The following ARFGEF1 variants were observed in gnomAD, a reference collection of about 807,000 sequenced individuals.
ARFGEF1 encodes brefeldin A-inhibited guanine nucleotide-exchange protein 1.
In ARFGEF1, 42 loss-of-function variants were observed where a neutral mutation model predicts 231.0. The ratio of observed to expected loss-of-function variants is 0.18; its 90% CI spans 0.14 to 0.24. The LOEUF is 0.24. Among genes scored for constraint, ARFGEF1 ranks in the 10% least tolerant of loss-of-function variants. The pLI, the probability that ARFGEF1 is intolerant of heterozygous loss-of-function variation, is 1.00. For missense variants in ARFGEF1, 1,345 were observed against 2,192.0 expected, an observed-to-expected ratio of 0.61 and a Z score of 7.72; for synonymous variants, 710 against 732.3, an observed-to-expected ratio of 0.97 and a Z score of 0.49.
chr8:67,223,264 C>T (rs551840262), intron 29 of ARFGEF1, among the ~76,000 whole-genome samples: 27 of 152,238 alleles, frequency 1.8e-4, no homozygotes, highest in African/African-American at 6.0e-4. Context: ...GGCTGGAGTA[C>T]AGTGGTGTGA....
At chr8:67,253,269 C>G (rs1318386688) in intron 18 of ARFGEF1, among the ~76,000 whole-genome samples, 182 bp downstream of exon 18, 2 of 152,066 alleles carry the variant, frequency 1.3e-5, no homozygotes, top group Admixed American at 1.3e-4. Flanking sequence ...GAGACAAGAA[C>G]CTTGCTATAT....
At chr8:67,195,441 T>G (rs374262758), downstream of ARFGEF1, 46 of 1,614,076 alleles carry the variant, frequency 2.8e-5, no homozygotes, top group African/African-American at 5.6e-4. Context: ...GGATGACGGA[T>G]CAAACTCTGT....
chr8:67,244,545 C>A (rs114087569), intron 19 of ARFGEF1, among the ~76,000 whole-genome samples: 2,505 of 149,012 alleles, frequency 0.017, 234 homozygotes, highest in African/African-American at 0.061. Flanking sequence ...AGTGATCTGC[C>A]CACTTCAGCC....
At chr8:67,219,588 C>G in intron 29 of ARFGEF1, 28 bp from the exon 30 acceptor site, 2 of 1,558,232 alleles carry the variant, frequency 1.3e-6, no homozygotes, top group South Asian at 2.5e-5. Context: ...AATTAGAAAG[C>G]TGTAATACAA....
At chr8:67,247,349 C>G (rs1324353401) in intron 19 of ARFGEF1, among the ~76,000 whole-genome samples, 1 of 149,776 alleles carries the variant, frequency 6.7e-6, no homozygotes, top group East Asian at 1.9e-4. Context: ...CAACAAAATA[C>G]CAGCAAACCA....
chr8:67,285,234 G>A (rs1361966217), intron 7 of ARFGEF1, among the ~76,000 whole-genome samples: 1 of 152,164 alleles, frequency 6.6e-6, no homozygotes, highest in East Asian at 1.9e-4. Flanking sequence ...AAACCATTGA[G>A]TGGGCCAGGT....
At chr8:67,317,331 G>A (rs568289536) in intron 1 of ARFGEF1, among the ~76,000 whole-genome samples, 96 of 152,222 alleles carry the variant, frequency 6.3e-4, no homozygotes, top group Non-Finnish European at 7.8e-4. Context: ...CTTGTGGTCT[G>A]GAAACTCTCA....
At chr8:67,175,623 C>G (rs560702910) in intron 5 of ARFGEF1, 1 of 718,586 alleles carries the variant, frequency 1.4e-6, no homozygotes, top group East Asian at 2.8e-5. Context: ...AGTGGCTCCA[C>G]TAGGGTGGTG....
rs1188069454 is a variant in ARFGEF1 at position 67,232,886 on chromosome 8, T to C, written c.3349A>G (p.Ser1117Gly). The C allele has an allele frequency of 6.2e-7, 1 of 1,610,734 alleles. No individual in the cohort carries two copies. Among genetic ancestry groups the C allele is most frequent in the Non-Finnish European group, 8.5e-7 (1 of 1,178,000 alleles). The change falls in exon 23 of 39, where the codon AGT becomes GGT. Residue 1117 changes from serine to glycine, a missense_variant. Ser to Gly is a moderately conservative substitution (Grantham distance 56, BLOSUM62 0). Around this residue, in one of 14 missense-constraint regions of ARFGEF1, gnomAD observed 146 missense variants for 321.4 expected, o/e 0.45. Coordinates refer to ENST00000262215, the MANE Select transcript of ARFGEF1 (RefSeq NM_006421.5). Reference sequence around the variant, plus strand: ...ACAGCAACAACAACACTCTGAGAACTGGTTTCTCCAATGGATTCCTGAATA... The same window carrying C: ...ACAGCAACAACAACACTCTGAGAACCGGTTTCTCCAATGGATTCCTGAATA... ...ASIQESIGET[S>G]SQSVVVAVDR...
intron 19 of ARFGEF1, among the ~76,000 whole-genome samples, chr8:67,241,426 T>C (rs1839923245): frequency 6.6e-6 from 1 of 152,184 alleles, no homozygotes; most frequent in South Asian, 2.1e-4. Flanking sequence ...TTTGGAAGCC[T>C]GTGTTATATT....
At chr8:67,228,366 G>A in intron 23 of ARFGEF1, 102 bp from the exon 24 acceptor site, 1 of 1,139,126 alleles carries the variant, frequency 8.8e-7, no homozygotes, top group African/African-American at 1.6e-5. Flanking sequence ...ATGTTTTAAG[G>A]GAACAAAAAA....
At chr8:67,185,728 TGAA>T (rs1834385032) in intron 5 of ARFGEF1, among the ~76,000 whole-genome samples, 1 of 151,898 alleles carries the variant, frequency 6.6e-6, no homozygotes, top group African/African-American at 2.4e-5. Context: ...TTGCTGCTGC[TGAA>T]GATGATGAAG....
chr8:67,287,999 A>G lies in ARFGEF1; in HGVS notation c.983T>C (p.Ile328Thr), dbSNP rs1167874617. 1.9e-6 allele frequency: 3 copies of G among 1,608,584 alleles called. No homozygotes were observed. The highest frequency in any genetic ancestry group is 1.1e-5 in the South Asian group (1 of 89,586). Residue 328 changes from isoleucine to threonine, a missense_variant, in exon 7 of 39, where the codon ATT (isoleucine) becomes ACT (threonine). Ile to Thr is a moderately conservative substitution (Grantham distance 89, BLOSUM62 -1). Coordinates refer to ENST00000262215, the MANE Select transcript of ARFGEF1 (RefSeq NM_006421.5). ...CATTTCTTCTACAATGTTCTGTACA[A>G]TGTCTTGTGGCTTTTCCTCACAATC... Reference protein sequence around the residue: ...NHDCEEKPQDIVQNIVEEMVN... With the variant: ...NHDCEEKPQDTVQNIVEEMVN...
chr8:67,245,403 C>T (rs958947663), intron 19 of ARFGEF1, among the ~76,000 whole-genome samples: 1 of 150,384 alleles, frequency 6.6e-6, no homozygotes, highest in Non-Finnish European at 1.5e-5. Flanking sequence ...CTTTTCAAGA[C>T]ACAGGCAGTA....
chr8:67,219,668 G>C, intron 29 of ARFGEF1, 108 bp from the exon 30 acceptor site: 1 of 1,194,196 alleles, frequency 8.4e-7, no homozygotes, highest in Non-Finnish European at 1.1e-6. Flanking sequence ...CTTAAAACTA[G>C]TCTGAAATTA....
chr8:67,224,314 A>C (rs567431070), intron 29 of ARFGEF1, among the ~76,000 whole-genome samples: 1 of 152,298 alleles, frequency 6.6e-6, no homozygotes, highest in East Asian at 1.9e-4. Context: ...TACTATGGGA[A>C]TCATGTGAGC....
Position 67,287,942 on chromosome 8 carries a change from T to C in ARFGEF1, c.1027+13A>G. The C allele has an allele frequency of 6.6e-7, 1 of 1,523,820 alleles. No individual in the cohort carries two copies. The highest frequency in any genetic ancestry group is 8.8e-7 in the Non-Finnish European group (1 of 1,132,372). The allele number at this position is 1,523,820 out of a possible 1,614,324, so 94.4% of individuals were successfully genotyped here. A position where few individuals can be genotyped will look rare whatever the true frequency, so the allele number is the denominator to read the frequency against. On this transcript the variant is annotated intron_variant, in intron 7 of 38. Transcript: ENST00000262215. ...ATAGACAGAGTAAAATAATTTTGAA[T>C]GAAGTATACTACCTCCAACAACAAT...
chr8:67,251,578 T>A (rs1314523336), intron 18 of ARFGEF1, 128 bp from the exon 19 acceptor site: 4 of 885,360 alleles, frequency 4.5e-6, no homozygotes, highest in Non-Finnish European at 6.4e-6. Context: ...ACACAAGAGA[T>A]CCCATATTAT....
chr8:67,195,889 G>C (rs1483713713), downstream of ARFGEF1: 1 of 280,270 alleles, frequency 3.6e-6, no homozygotes, highest in Non-Finnish European at 6.8e-6. Flanking sequence ...TTGTCATTAA[G>C]ATAAGGTGAA....
Sources: allele counts gnomAD v4.1 joint callset (sites outside exome capture counted in the v4.1 genomes callset), GRCh38; gene constraint gnomAD v4.1.1; regional missense constraint gnomAD v4.1.1; transcripts MANE v1.5; gene names NCBI Gene and HGNC (gene_info 2026-07-23, HGNC 2026-07-21).